Variants in FBXO31 observed in about 807,000 individuals in gnomAD.
FBXO31 encodes the protein F-box protein 31, also known as F-box only protein 31.
A neutral mutation model predicts 54.4 loss-of-function variants in FBXO31; 24 were observed. The ratio of observed to expected loss-of-function variants is 0.44; its 90% confidence interval spans 0.32 to 0.62. The LOEUF is 0.62. FBXO31 is among the 20% of genes least tolerant of loss of function. The pLI is 0.05. For synonymous variants in FBXO31, 388 were observed against 335.6 expected, an observed-to-expected ratio of 1.16 and a Z score of -1.71; for missense variants, 665 against 787.1, an observed-to-expected ratio of 0.84 and a Z score of 1.86.
chr16:87,345,002 G>A lies in FBXO31; in HGVS notation c.490-1237C>T, dbSNP rs1354751142. Among the ~76,000 whole-genome samples the A allele has an allele frequency of 1.3e-5, 2 of 149,672 alleles. No individual in the cohort carries two copies. The highest frequency in any genetic ancestry group is 2.0e-4 in the East Asian group (1 of 5,042). On this transcript the variant is annotated intron_variant, in intron 3 of 8. Transcript: ENST00000311635. The surrounding 1 kb of genome is among the most constrained non-coding windows in gnomAD (Gnocchi z 4.9). ...CTGCCCCGAACCCCACCTGGGGGCAGAGCCCATCCCTGCCCCGAACCCCAC... is the reference window on the plus strand; with the variant it reads ...CTGCCCCGAACCCCACCTGGGGGCAAAGCCCATCCCTGCCCCGAACCCCAC...
intron 1 of FBXO31, among the ~76,000 whole-genome samples, chr16:87,368,711 T>A (rs535690189): frequency 6.6e-6 from 1 of 150,870 alleles, no homozygotes; most frequent in Non-Finnish European, 1.5e-5. Flanking sequence ...ACAGATAACC[T>A]CAGTCCAACA....
Position 87,383,375 on chromosome 16 carries a change from CTCCCGGCCCCG to C in FBXO31, c.340+19_340+29del. The C allele has an allele frequency of 2.0e-6, 3 of 1,498,250 alleles. No homozygotes were observed. The highest frequency in any genetic ancestry group is 2.7e-6 in the Non-Finnish European group (3 of 1,115,206). 92.8% of individuals were successfully genotyped at this position (1,498,250 alleles called of 1,614,324 possible). On this transcript the variant is annotated intron_variant, in intron 1 of 8. Coordinates refer to ENST00000311635, the MANE Select transcript of FBXO31 (RefSeq NM_024735.5). The surrounding 1 kb of genome is among the most constrained non-coding windows in gnomAD (Gnocchi z 4.9). ...TCCACCTGGCAGGGACCCCCCGCCC[CTCCCGGCCCCG>C]CCACCCCCGCGCGCTCACCCTCACG...
Position 87,337,424 on chromosome 16 carries a change from T to G in FBXO31, c.733-1160A>C, listed in dbSNP as rs377073012. On this transcript the variant is annotated intron_variant, in intron 5 of 8. Transcript: ENST00000311635. ...CAAGCCCACCAGGCACTACACAGAC[T>G]GGACTCGCCAAGTCTGAAATTCCTA... Among the ~76,000 whole-genome samples, 5 of 152,302 alleles carry G rather than the reference T, an allele frequency of 3.3e-5. No individual in the cohort carries two copies. The East Asian group carries it at 7.7e-4, about 24-fold the overall frequency.
chr16:87,383,487 G>A lies in FBXO31; in HGVS notation c.258C>T (p.Asp86=). 1 of 1,589,574 alleles carries A rather than the reference G, an allele frequency of 6.3e-7. No individual in the cohort carries two copies. Among genetic ancestry groups the A allele is most frequent in the South Asian group, 1.1e-5 (1 of 87,778 alleles). The stretch of plus-strand genomic sequence containing the variant: ...TGCAGACCTGGGCCAAGCTGGGTAG[G>A]TCCGTGCCCGGCAGCGACGCGAAGA... The part of the protein sequence containing the change: ...VEIFASLPGT[D]LPSLAQVCTK... Residue 86 remains aspartate (D), a synonymous_variant, in exon 1 of 9, where the codon GAC becomes GAT. Coordinates refer to ENST00000311635, the MANE Select transcript of FBXO31 (RefSeq NM_024735.5). The surrounding 1 kb of genome is among the most constrained non-coding windows in gnomAD (Gnocchi z 4.9).
chr16:87,392,117 G>T, upstream of FBXO31: 1 of 294,544 alleles, frequency 3.4e-6, no homozygotes. Flanking sequence ...GTGCTGGGCG[G>T]GGCTGGGGCA....
rs542346067 is a variant in FBXO31, at chr16:87,358,184, A to G, written c.412+2111T>C. 4.6e-5 allele frequency among the ~76,000 whole-genome samples: 7 copies of G among 152,340 alleles called. No individual in the cohort carries two copies. In the South Asian group the frequency reaches 1.2e-3, roughly 27 times the overall value. On this transcript the variant is annotated intron_variant, in intron 2 of 8. Coordinates refer to ENST00000311635, the MANE Select transcript of FBXO31 (RefSeq NM_024735.5). The surrounding 1 kb of genome is among the most constrained non-coding windows in gnomAD (Gnocchi z 4.0). ...ACTGGTAGTACCCAGAAACCACTGC[A>G]GAAAGGTAAGCCAAATGCAGCCTGG...
rs1021869014 is a variant in FBXO31 at position 87,335,039 on chromosome 16, G to C, written c.996+265C>G. On this transcript the variant is annotated intron_variant, in intron 7 of 8. Coordinates refer to ENST00000311635, the MANE Select transcript of FBXO31 (RefSeq NM_024735.5). This position sits in a 1 kb window ranked among gnomAD's most constrained non-coding sequence, Gnocchi z 5.7. ...TTCCTAAACCCCACAGGGCTGCCAG[G>C]GTGGCCGGGGCTGAGCGGTGCTGTG... Among the ~76,000 whole-genome samples the C allele has an allele frequency of 1.3e-5, 2 of 152,224 alleles. No individual in the cohort carries two copies. The highest frequency in any genetic ancestry group is 4.8e-5 in the African/African-American group (2 of 41,452).
chr16:87,339,069 T>C (rs1209772479), intron 5 of FBXO31, among the ~76,000 whole-genome samples: 2 of 152,206 alleles, frequency 1.3e-5, no homozygotes, highest in Non-Finnish European at 1.5e-5. Context: ...CCCAGCCACA[T>C]GGAACTGTGA....
rs549479758 is a variant in FBXO31, at chr16:87,346,310, C to T, written c.489+864G>A. Among the ~76,000 whole-genome samples the T allele has an allele frequency of 6.6e-6, 1 of 151,572 alleles. No individual in the cohort carries two copies. Among genetic ancestry groups the T allele is most frequent in the African/African-American group, 2.4e-5 (1 of 41,246 alleles). Reference sequence around the variant, plus strand: ...CCACGGCACCCAGCAAGTGCCCAGGCGCACAGTGAGGGGTGGGGGGCATCC... The same window carrying T: ...CCACGGCACCCAGCAAGTGCCCAGGTGCACAGTGAGGGGTGGGGGGCATCC... On this transcript the variant is annotated intron_variant, in intron 3 of 8. Transcript: ENST00000311635. The surrounding 1 kb of genome is among the most constrained non-coding windows in gnomAD (Gnocchi z 4.2).
intron 1 of FBXO31, among the ~76,000 whole-genome samples, chr16:87,361,808 G>A (rs1040747742): frequency 6.6e-6 from 1 of 152,262 alleles, no homozygotes; most frequent in Non-Finnish European, 1.5e-5. Context: ...CGAGGTGGCT[G>A]CTACTCAGCA....
At position 87,335,529 on chromosome 16, in the gene FBXO31, G is replaced by T; in HGVS notation, c.843-72C>A. Reference sequence around the variant, plus strand: ...AGGACTGAGAACGCCCAAGGTGCCAGGGATGAGCTTTGCAGGGCGGGGTAG... The same window carrying T: ...AGGACTGAGAACGCCCAAGGTGCCATGGATGAGCTTTGCAGGGCGGGGTAG... On this transcript the variant is annotated intron_variant, in intron 6 of 8. Coordinates refer to ENST00000311635, the MANE Select transcript of FBXO31 (RefSeq NM_024735.5). The surrounding 1 kb of genome is among the most constrained non-coding windows in gnomAD (Gnocchi z 5.7). 1 of 1,470,758 alleles carries T rather than the reference G, an allele frequency of 6.8e-7. No homozygotes were observed. Among genetic ancestry groups the T allele is most frequent in the East Asian group, 2.4e-5 (1 of 41,774 alleles). 91.1% of individuals were successfully genotyped at this position (1,470,758 alleles called of 1,614,324 possible). A position where few individuals can be genotyped will look rare whatever the true frequency, so the allele number is the denominator to read the frequency against.
chr16:87,337,273 G>A (rs1178257447), intron 5 of FBXO31, among the ~76,000 whole-genome samples: 2 of 152,162 alleles, frequency 1.3e-5, no homozygotes, highest in African/African-American at 2.4e-5. Flanking sequence ...ACTAACCACC[G>A]CTGAAAGGAA....
intron 8 of FBXO31, among the ~76,000 whole-genome samples, chr16:87,331,731 C>G (rs879307113): frequency 1.1e-4 from 16 of 152,354 alleles, no homozygotes; most frequent in Admixed American, 7.8e-4. Flanking sequence ...CCGAGCCCAC[C>G]TGATGATGGA....
rs1408080284 is a variant in FBXO31, at chr16:87,345,992, T to G, written c.489+1182A>C. On this transcript the variant is annotated intron_variant, in intron 3 of 8. Transcript: ENST00000311635. The surrounding 1 kb of genome is among the most constrained non-coding windows in gnomAD (Gnocchi z 4.9). ...CACCTGCGGAATCCTGAGTGAGGGGTGGGAGGTGGAGGAGGGAAGCAGAGT... is the reference window on the plus strand; with the variant it reads ...CACCTGCGGAATCCTGAGTGAGGGGGGGGAGGTGGAGGAGGGAAGCAGAGT... Among the ~76,000 whole-genome samples, 1 of 150,694 alleles carries G rather than the reference T, an allele frequency of 6.6e-6. No homozygotes were observed. Among genetic ancestry groups the G allele is most frequent in the Admixed American group, 6.6e-5 (1 of 15,140 alleles).
At position 87,338,862 on chromosome 16, in the gene FBXO31, C is replaced by G. The variant is rs910842724; in HGVS notation, c.733-2598G>C. Among the ~76,000 whole-genome samples, 1 of 152,134 alleles carries G rather than the reference C, an allele frequency of 6.6e-6. No individual in the cohort carries two copies. The highest frequency in any genetic ancestry group is 2.4e-5 in the African/African-American group (1 of 41,432). Reference sequence around the variant, plus strand: ...TCTTGAACTGTAGCTCTTCCAATTCCCATGTCATGGGAGGGACCCCAGGAG... The same window carrying G: ...TCTTGAACTGTAGCTCTTCCAATTCGCATGTCATGGGAGGGACCCCAGGAG... On this transcript the variant is annotated intron_variant, in intron 5 of 8. Coordinates refer to ENST00000311635, the MANE Select transcript of FBXO31 (RefSeq NM_024735.5). The surrounding 1 kb of genome is among the most constrained non-coding windows in gnomAD (Gnocchi z 4.3).
rs891166725 is a variant in FBXO31, at chr16:87,338,276, C to T, written c.733-2012G>A. On this transcript the variant is annotated intron_variant, in intron 5 of 8. Coordinates refer to ENST00000311635, the MANE Select transcript of FBXO31 (RefSeq NM_024735.5). The surrounding 1 kb of genome is among the most constrained non-coding windows in gnomAD (Gnocchi z 4.3). ...AGGGAGCCCAGGACATGCACGACAA[C>T]GATCAACTTCACGTTGACCCAGGGC... is the stretch of plus-strand genomic sequence containing the variant. Among the ~76,000 whole-genome samples the T allele has an allele frequency of 3.3e-5, 5 of 151,860 alleles. No homozygotes were observed. The highest frequency in any genetic ancestry group is 4.2e-4 in the South Asian group (2 of 4,812).
intron 1 of FBXO31, among the ~76,000 whole-genome samples, chr16:87,365,037 A>ATATATATATATATATATATATATATC (rs1489132121): frequency 4.7e-5 from 5 of 106,870 alleles, no homozygotes; most frequent in Non-Finnish European, 7.9e-5. Flanking sequence ...ATATATATAT[A>ATATATATATATATATATATATATATC]TATCAGGCAG....
intron 5 of FBXO31, among the ~76,000 whole-genome samples, chr16:87,340,741 C>A (rs115160768): frequency 6.6e-6 from 1 of 152,046 alleles, no homozygotes; most frequent in African/African-American, 2.4e-5. Flanking sequence ...TAAGATCACT[C>A]GAGCCAGGAG....
intron 3 of FBXO31, 53 bp from the exon 4 acceptor site, chr16:87,343,818 G>A: frequency 6.2e-7 from 1 of 1,601,320 alleles, no homozygotes; most frequent in Non-Finnish European, 8.5e-7. Flanking sequence ...CCAGAGCAAG[G>A]GCGGCCCCGC....
Sources: allele counts gnomAD v4.1 joint callset (sites outside exome capture counted in the v4.1 genomes callset), GRCh38; gene constraint gnomAD v4.1.1; non-coding constraint Gnocchi (gnomAD v3.1); transcripts MANE v1.5; gene names NCBI Gene and HGNC (gene_info 2026-07-23, HGNC 2026-07-21).